The following TRIO variants were observed in gnomAD, a reference collection of about 807,000 sequenced individuals.
The protein encoded by TRIO is triple functional domain protein.
In TRIO, 58 loss-of-function variants were observed where a neutral mutation model predicts 351.9. That is an observed-to-expected ratio of 0.16 (90% CI 0.13 to 0.21). The LOEUF is 0.21. Ranked by LOEUF, TRIO falls within the 10% of genes least tolerant of loss-of-function variation. The pLI, the probability that TRIO is intolerant of heterozygous loss-of-function variation, is 1.00. For synonymous variants in TRIO, 1,758 were observed against 1,595.7 expected (o/e 1.10, Z -2.42); for missense variants, 3,201 against 4,027.8 (o/e 0.79, Z 5.56).
At chr5:14,311,572 G>C (rs565922960) in intron 8 of TRIO, among the ~76,000 whole-genome samples, 4 of 152,306 alleles carry the variant, frequency 2.6e-5, no homozygotes, top group South Asian at 2.1e-4. Context: ...TACTCAGAAG[G>C]GTTCGATTGT....
At chr5:14,204,015 G>T (rs1791306811) in intron 1 of TRIO, among the ~76,000 whole-genome samples, 1 of 152,206 alleles carries the variant, frequency 6.6e-6, no homozygotes, top group Non-Finnish European at 1.5e-5. Flanking sequence ...GAATTGAACT[G>T]CTCTTTTCAG....
intron 37 of TRIO, among the ~76,000 whole-genome samples, chr5:14,469,133 A>G (rs1177055865): frequency 1.3e-5 from 2 of 152,234 alleles, no homozygotes; most frequent in Non-Finnish European, 2.9e-5. Flanking sequence ...CATCTAACTC[A>G]AGATGTTAGA....
chr5:14,266,634 A>T (rs1007587129), intron 1 of TRIO, among the ~76,000 whole-genome samples: 1 of 152,236 alleles, frequency 6.6e-6, no homozygotes, highest in African/African-American at 2.4e-5. Flanking sequence ...TAGTTATTTT[A>T]AAATGAGTAT....
intron 48 of TRIO, 44 bp downstream of exon 48, chr5:14,488,304 T>C (rs1756184704): frequency 4.6e-6 from 7 of 1,506,124 alleles, no homozygotes; most frequent in Non-Finnish European, 6.2e-6. Flanking sequence ...CCCCTGCCTC[T>C]GTCCCGCCAG....
intron 34 of TRIO, among the ~76,000 whole-genome samples, chr5:14,457,907 A>T (rs1020933916): frequency 6.6e-6 from 1 of 152,124 alleles, no homozygotes; most frequent in African/African-American, 2.4e-5. Context: ...CCAAGTTCTA[A>T]CTTACAGGCC....
At chr5:14,178,513 G>A (rs1312445214) in intron 1 of TRIO, among the ~76,000 whole-genome samples, 3 of 152,188 alleles carry the variant, frequency 2.0e-5, no homozygotes, top group African/African-American at 7.2e-5. Context: ...TAAGCTGACC[G>A]CGTAATTGTC....
At chr5:14,461,427 C>A in intron 35 of TRIO, 116 bp downstream of exon 35, 1 of 1,321,950 alleles carries the variant, frequency 7.6e-7, no homozygotes, top group South Asian at 1.7e-5. Context: ...CGCACTTACT[C>A]AGAAATTACC....
chr5:14,421,061 G>A (rs1351600699), intron 34 of TRIO, among the ~76,000 whole-genome samples: 5 of 152,030 alleles, frequency 3.3e-5, no homozygotes, highest in African/African-American at 1.2e-4. Flanking sequence ...CGATATTCTT[G>A]TACCTGGAAA....
Position 14,297,230 on chromosome 5 carries a change from C to T in TRIO, c.1335C>T (p.Asp445=), listed in dbSNP as rs1300460179. The change falls in exon 7 of 57, where the codon GAC becomes GAT. Residue 445 remains aspartate, a synonymous_variant. Coordinates refer to ENST00000344204, the MANE Select transcript of TRIO (RefSeq NM_007118.4). ...AALDERSTLL[D]MSSIFHQKAE... is the part of the protein sequence containing the mutation. ...TGGATGAGCGGAGCACCTTGCTGGA[C>T]ATGTCCTCCATTTTCCACCAGAAGG... 2 of 1,614,134 alleles carry T rather than the reference C, an allele frequency of 1.2e-6. No homozygotes were observed. Among genetic ancestry groups the T allele is most frequent in the South Asian group, 2.2e-5 (2 of 91,078 alleles).
At chr5:14,171,168 T>G (rs1789075819) in intron 1 of TRIO, among the ~76,000 whole-genome samples, 1 of 152,070 alleles carries the variant, frequency 6.6e-6, no homozygotes, top group Admixed American at 6.5e-5. Context: ...CCCAAGAAAA[T>G]AAGTAAATCA....
In TRIO at chr5:14,436,834, C is replaced by T. The variant is rs150855937; in HGVS notation, c.5203+16813C>T. On this transcript the variant is annotated intron_variant, in intron 34 of 56. Transcript: ENST00000344204. ...GTTCCCATGGTCTTGGACAGCTCTG[C>T]CTCTGTGGCTTGGCAGGGCAAAGCC... Among the ~76,000 whole-genome samples, 234 of 152,314 alleles carry T rather than the reference C, an allele frequency of 1.5e-3. 1 individual carries two copies. Among genetic ancestry groups the T allele is most frequent in the Admixed American group, 2.5e-3 (39 of 15,304 alleles).
chr5:14,429,490 T>C (rs1018290056), intron 34 of TRIO, among the ~76,000 whole-genome samples: 2 of 152,212 alleles, frequency 1.3e-5, no homozygotes. Flanking sequence ...CTGGCTAATT[T>C]AGAAGCAGCA....
At chr5:14,195,889 G>T (rs958520308) in intron 1 of TRIO, among the ~76,000 whole-genome samples, 15 of 152,216 alleles carry the variant, frequency 9.9e-5, no homozygotes, top group African/African-American at 2.2e-4. Context: ...TTCTCTTTCA[G>T]TGTGGGGGTG....
At chr5:14,504,241 G>A in intron 54 of TRIO, 152 bp from the exon 55 acceptor site, 2 of 793,912 alleles carry the variant, frequency 2.5e-6, no homozygotes, top group South Asian at 3.5e-5. Flanking sequence ...GGACAGCCAT[G>A]GCACCACAGC....
rs188888400 is a variant in TRIO at position 14,189,402 on chromosome 5, T to C, written c.157+45520T>C. 7.2e-5 allele frequency among the ~76,000 whole-genome samples: 11 copies of C among 152,344 alleles called. No individual in the cohort carries two copies. The East Asian group carries it at 1.7e-3, about 24-fold the overall frequency. On this transcript the variant is annotated intron_variant, in intron 1 of 56. Coordinates refer to ENST00000344204, the MANE Select transcript of TRIO (RefSeq NM_007118.4). ...AAGTGAGATGTTTTTGAAATTTTCA[T>C]CACCTTTGAAACACCTAGTATTTCT... is the stretch of plus-strand genomic sequence containing the variant.
At chr5:14,144,958 C>A (rs1439608587) in intron 1 of TRIO, among the ~76,000 whole-genome samples, 1 of 151,978 alleles carries the variant, frequency 6.6e-6, no homozygotes, top group Non-Finnish European at 1.5e-5. Flanking sequence ...CAGTCCTTAG[C>A]GGGCCGGGCA....
At chr5:14,325,859 TC>T (rs1740338050) in intron 9 of TRIO, among the ~76,000 whole-genome samples, 1 of 152,204 alleles carries the variant, frequency 6.6e-6, no homozygotes, top group African/African-American at 2.4e-5. Flanking sequence ...TGTGGCCAGT[TC>T]CTGTTGCATC....
chr5:14,384,201 C>G (rs1268855314), intron 21 of TRIO, among the ~76,000 whole-genome samples: 2 of 152,202 alleles, frequency 1.3e-5, no homozygotes, highest in African/African-American at 4.8e-5. Flanking sequence ...TTTGCACACA[C>G]TGAGGTCCGG....
chr5:14,160,096 A>G (rs1186382885), intron 1 of TRIO, among the ~76,000 whole-genome samples: 4 of 152,232 alleles, frequency 2.6e-5, no homozygotes, highest in African/African-American at 9.6e-5. Flanking sequence ...TGTGGCTTTG[A>G]AATTTATTTT....
Sources: allele counts gnomAD v4.1 joint callset (sites outside exome capture counted in the v4.1 genomes callset), GRCh38; gene constraint gnomAD v4.1.1; transcripts MANE v1.5; gene names NCBI Gene and HGNC (gene_info 2026-07-23, HGNC 2026-07-21).